The following PPM1K variants were observed in gnomAD, a reference collection of about 807,000 sequenced individuals.
The protein encoded by PPM1K is protein phosphatase Mn(2+)-dependent 1K.
PPM1K carries 19 observed loss-of-function variants against 32.6 expected under a neutral mutation model. That is an observed-to-expected ratio of 0.58 (90% CI 0.41 to 0.86). The LOEUF is 0.86. PPM1K is among the 40% of genes least tolerant of loss of function. The pLI, the probability that PPM1K is intolerant of heterozygous loss-of-function variation, is 0.00. For missense variants in PPM1K, 362 were observed against 461.2 expected, an observed-to-expected ratio of 0.78 and a Z score of 1.97; for synonymous variants, 159 against 165.3, an observed-to-expected ratio of 0.96 and a Z score of 0.29.
chr4:88,272,274 A>T lies in PPM1K; in HGVS notation c.542-3368T>A, dbSNP rs948344472. 3.3e-5 allele frequency among the ~76,000 whole-genome samples: 5 copies of T among 152,008 alleles called. 1 individual carries two copies. Among genetic ancestry groups the T allele is most frequent in the Admixed American group, 3.3e-4 (5 of 15,246 alleles). On this transcript the variant is annotated intron_variant, in intron 3 of 6. Coordinates refer to ENST00000608933, the MANE Select transcript of PPM1K (RefSeq NM_152542.5). ...TCTTTTGGCTGTCCCGGCATAGGGG[A>T]TTCAAAAATGCTGTGTTTACAGCCC...
Position 88,261,006 on chromosome 4 carries a change from A to G in PPM1K, c.*1589T>C, listed in dbSNP as rs751554584. 9.2e-5 allele frequency: 14 copies of G among 152,236 alleles called. No homozygotes were observed. The highest frequency in any genetic ancestry group is 1.8e-4 in the Non-Finnish European group (12 of 68,034). The allele number at this position is 152,236 out of a possible 1,614,324, so 9.4% of individuals were successfully genotyped here. On this transcript the variant is annotated 3_prime_UTR_variant, in exon 7 of 7. Transcript: ENST00000608933. ...AAGAGTCCTTAAAAATAACGTATCA[A>G]TAATTTAAAACTGGTGAAAGAGCTA...
intron 3 of PPM1K, chr4:88,275,017 C>T (rs1731709000): frequency 1.3e-6 from 1 of 746,728 alleles, no homozygotes; most frequent in Non-Finnish European, 1.6e-6. Flanking sequence ...TCTTTTAGTA[C>T]ACACTAAGAG....
At chr4:88,277,829 CCTACA>C in intron 2 of PPM1K, 1 of 405,076 alleles carries the variant, frequency 2.5e-6, no homozygotes, top group Non-Finnish European at 4.5e-6. Flanking sequence ...ACTTATCTGT[CCTACA>C]CTGATGGGAG....
At chr4:88,279,909 A>G (rs1731943048) in intron 1 of PPM1K, among the ~76,000 whole-genome samples, 2 of 152,242 alleles carry the variant, frequency 1.3e-5, no homozygotes, top group African/African-American at 4.8e-5. Flanking sequence ...GTATCTTTCC[A>G]AAAGGTATAA....
intron 3 of PPM1K, chr4:88,275,315 TAC>T (rs1276056996): frequency 1.1e-6 from 1 of 947,590 alleles, no homozygotes; most frequent in African/African-American, 1.8e-5. Context: ...GCATATGAAT[TAC>T]ATTTTTGTGA....
chr4:88,281,008 G>A (rs1324996342), intron 1 of PPM1K, among the ~76,000 whole-genome samples: 1 of 152,028 alleles, frequency 6.6e-6, no homozygotes, highest in African/African-American at 2.4e-5. Context: ...ACCCAATTAT[G>A]TTAATTATAG....
At chr4:88,264,873 T>C in intron 6 of PPM1K, 128 bp downstream of exon 6, 1 of 1,018,056 alleles carries the variant, frequency 9.8e-7, no homozygotes, top group East Asian at 2.6e-5. Context: ...AAATAAAAAT[T>C]TTATAATTGG....
chr4:88,265,602 C>T (rs1194427267), intron 5 of PPM1K, among the ~76,000 whole-genome samples: 2 of 152,162 alleles, frequency 1.3e-5, no homozygotes, highest in Admixed American at 1.3e-4. Flanking sequence ...AGTGTGAGAA[C>T]AGACCAATAC....
At chr4:88,271,044 G>C (rs780854432) in intron 3 of PPM1K, 16 of 517,458 alleles carry the variant, frequency 3.1e-5, no homozygotes, top group African/African-American at 3.1e-4. Context: ...GGGACAAAGA[G>C]ATGTGGGAAC....
Position 88,268,224 on chromosome 4 carries a change from C to T in PPM1K, c.818G>A (p.Gly273Asp), listed in dbSNP as rs1264888237. The change falls in exon 5 of 7, where the codon GGT (glycine) becomes GAT (aspartate). Residue 273 changes from glycine to aspartate, a missense_variant. Gly to Asp is a moderately conservative substitution (Grantham distance 94). Transcript: ENST00000608933. ...CTTAGTTTCAGGTTCTGCTATGACA[C>T]CACTGGTCTTAAGGTCCAAATCTCC... ...SIGDLDLKTS[G>D]VIAEPETKRI... 1.2e-6 allele frequency: 2 copies of T among 1,613,974 alleles called. No individual in the cohort carries two copies. The highest frequency in any genetic ancestry group is 1.3e-5 in the African/African-American group (1 of 74,908).
chr4:88,282,172 A>C (rs930817043), intron 1 of PPM1K, among the ~76,000 whole-genome samples: 1 of 152,172 alleles, frequency 6.6e-6, no homozygotes, highest in Admixed American at 6.5e-5. Context: ...TGGCTAGTTT[A>C]TTTTTATAAA....
At chr4:88,275,495 C>T (rs1446585431) in intron 3 of PPM1K, 9 of 985,050 alleles carry the variant, frequency 9.1e-6, no homozygotes, top group Middle Eastern at 5.2e-4. Context: ...AGTCAATCAC[C>T]GATTGGTTTA....
In PPM1K at chr4:88,268,820, G is replaced by A. The variant is rs1200166047; in HGVS notation, c.628C>T (p.Arg210Trp). 11 of 1,613,810 alleles carry A rather than the reference G, an allele frequency of 6.8e-6. No homozygotes were observed. Among genetic ancestry groups the A allele is most frequent in the African/African-American group, 2.7e-5 (2 of 74,856 alleles). The change falls in exon 4 of 7, where the codon CGG (arginine) becomes TGG (tryptophan). Residue 210 changes from arginine (R) to tryptophan (W), a missense_variant. By Grantham distance (101) the Arg-to-Trp change is moderately radical. Transcript: ENST00000608933. Reference sequence around the variant, plus strand: ...TTTCCTTTTCTACACAAAATAGCCCGGCTGTCCCCAACACTGGCTACAACC... The same window carrying A: ...TTTCCTTTTCTACACAAAATAGCCCAGCTGTCCCCAACACTGGCTACAACC... ...ELVVASVGDS[R>W]AILCRKGKPM...
At chr4:88,268,084 T>G in intron 5 of PPM1K, 106 bp downstream of exon 5, 1 of 1,249,974 alleles carries the variant, frequency 8.0e-7, no homozygotes. Flanking sequence ...TACTCCCTTT[T>G]AAAAATCATT....
chr4:88,265,954 G>T (rs577050399), intron 5 of PPM1K, among the ~76,000 whole-genome samples: 1 of 152,310 alleles, frequency 6.6e-6, no homozygotes, highest in South Asian at 2.1e-4. Context: ...CTATTATCTG[G>T]CTGGGTGAGC....
intron 3 of PPM1K, among the ~76,000 whole-genome samples, chr4:88,269,243 G>C (rs9998634): frequency 5.6e-4 from 86 of 152,276 alleles, no homozygotes; most frequent in African/African-American, 2.0e-3. Flanking sequence ...CTGGTGTCCA[G>C]ACTGAAAGTA....
chr4:88,268,594 C>T, intron 4 of PPM1K, 147 bp downstream of exon 4: 1 of 918,340 alleles, frequency 1.1e-6, no homozygotes, highest in Non-Finnish European at 1.7e-6. Flanking sequence ...GCACTCCAGC[C>T]TGGGCGACAG....
At position 88,258,090 on chromosome 4, in the gene PPM1K, A is replaced by G. The variant is rs771723617; in HGVS notation, c.*4505T>C. On this transcript the variant is annotated 3_prime_UTR_variant, in exon 7 of 7. Coordinates refer to ENST00000608933, the MANE Select transcript of PPM1K (RefSeq NM_152542.5). ...CTTTATTTCTGCCTAAGTCATCTAT[A>G]TAAGCGAATCTAATAAATACAATAA... 10 of 152,224 alleles carry G rather than the reference A, an allele frequency of 6.6e-5. No individual in the cohort carries two copies. Among genetic ancestry groups the G allele is most frequent in the Non-Finnish European group, 1.5e-4 (10 of 68,052 alleles). The allele number at this position is 152,224 out of a possible 1,614,324, so 9.4% of individuals were successfully genotyped here. A position where few individuals can be genotyped will look rare whatever the true frequency, so the allele number is the denominator to read the frequency against.
intron 1 of PPM1K, among the ~76,000 whole-genome samples, chr4:88,282,108 G>T (rs182550182): frequency 6.6e-6 from 1 of 152,264 alleles, no homozygotes; most frequent in Non-Finnish European, 1.5e-5. Flanking sequence ...GAGAGAGAAG[G>T]AATCTTTTTA....
Sources: gnomAD v4.1 joint callset for allele counts (sites outside exome capture counted in the v4.1 genomes callset) on GRCh38, gnomAD v4.1.1 for gene constraint, MANE v1.5 for transcripts, NCBI Gene and HGNC (gene_info 2026-07-23, HGNC 2026-07-21) for gene names.